ATP6V1E1: variants seen among roughly 807,000 people sequenced by gnomAD.
The protein encoded by ATP6V1E1 is V-type proton ATPase subunit E 1.
Under a neutral mutation model 35.2 loss-of-function variants are expected in ATP6V1E1, and 21 were observed. That is an observed-to-expected ratio of 0.60 (90% CI 0.42 to 0.86). The LOEUF (loss-of-function observed/expected upper bound fraction) is 0.86. Ranked by LOEUF, ATP6V1E1 falls within the 40% of genes least tolerant of loss-of-function variation. ATP6V1E1 has a pLI of 0.00. For synonymous variants in ATP6V1E1, 83 were observed against 87.8 expected, an observed-to-expected ratio of 0.95 and a Z score of 0.30; for missense variants, 183 against 272.6, an observed-to-expected ratio of 0.67 and a Z score of 2.32.
intron 4 of ATP6V1E1, among the ~76,000 whole-genome samples, chr22:17,609,686 G>T (rs1008856062): frequency 6.7e-6 from 1 of 148,428 alleles, no homozygotes; most frequent in African/African-American, 2.5e-5. Context: ...AGCCAGGATG[G>T]TCTCAATCTC....
At chr22:17,603,356 T>C (rs921887715) in intron 4 of ATP6V1E1, among the ~76,000 whole-genome samples, 9 of 149,194 alleles carry the variant, frequency 6.0e-5, no homozygotes, top group Non-Finnish European at 1.2e-4. Context: ...ACCTCGTCTC[T>C]GTAAAATTAA....
Position 17,592,586 on chromosome 22 carries a change from A to G in ATP6V1E1, c.*88T>C. ...AGCAATACTGGGGCAGTGAAGAGGA[A>G]GCTACAGAGACATTCGTGTTTCTTC... On this transcript the variant is annotated 3_prime_UTR_variant, in exon 9 of 9. Transcript: ENST00000253413. The G allele has an allele frequency of 7.4e-7, 1 of 1,345,456 alleles. No individual in the cohort carries two copies. Among genetic ancestry groups the G allele is most frequent in the Admixed American group, 1.7e-5 (1 of 59,092 alleles). 83.3% of individuals were successfully genotyped at this position (1,345,456 alleles called of 1,614,324 possible). A position where few individuals can be genotyped will look rare whatever the true frequency, so the allele number is the denominator to read the frequency against.
chr22:17,614,088 C>T (rs1331549820), intron 2 of ATP6V1E1, among the ~76,000 whole-genome samples: 1 of 152,192 alleles, frequency 6.6e-6, no homozygotes, highest in Non-Finnish European at 1.5e-5. Flanking sequence ...CAGTGGCTCA[C>T]GCCTGTAATC....
intron 4 of ATP6V1E1, among the ~76,000 whole-genome samples, chr22:17,606,491 G>C (rs55896982): frequency 0.35 from 52,608 of 151,702 alleles, 9,397 homozygotes; most frequent in African/African-American, 0.41. Flanking sequence ...GGTTAAAAAA[G>C]AAACAAGTAT....
chr22:17,600,113 TAC>T lies in ATP6V1E1; in HGVS notation c.367-20_367-19del. 6.2e-7 allele frequency: 1 copy of T among 1,605,040 alleles called. No homozygotes were observed. Among genetic ancestry groups the T allele is most frequent in the Non-Finnish European group, 8.5e-7 (1 of 1,172,026 alleles). ...TACAAACCCTGGAAGAAATAGTAGA[TAC>T]AGTCAGTAGAAAATGCAAACTATAA... On this transcript the variant is annotated intron_variant, in intron 5 of 8. Coordinates refer to ENST00000253413, the MANE Select transcript of ATP6V1E1 (RefSeq NM_001696.4).
chr22:17,609,839 A>T (rs552104263), intron 4 of ATP6V1E1, among the ~76,000 whole-genome samples: 6 of 152,318 alleles, frequency 3.9e-5, no homozygotes, highest in South Asian at 2.1e-4. Flanking sequence ...ATGTTACTAA[A>T]ATGTAAAATA....
intron 1 of ATP6V1E1, among the ~76,000 whole-genome samples, chr22:17,623,963 C>T (rs2057890920): frequency 6.6e-6 from 1 of 152,110 alleles, no homozygotes; most frequent in Admixed American, 6.5e-5. Flanking sequence ...AAAATTTGAC[C>T]TTTAAAAAAA....
At chr22:17,623,133 C>T (rs959541308) in intron 1 of ATP6V1E1, among the ~76,000 whole-genome samples, 1 of 152,088 alleles carries the variant, frequency 6.6e-6, no homozygotes, top group South Asian at 2.1e-4. Context: ...TGGCCACCAT[C>T]GTGTTTCCAA....
chr22:17,594,117 G>A (rs1305141391), intron 8 of ATP6V1E1, among the ~76,000 whole-genome samples: 2 of 152,060 alleles, frequency 1.3e-5, no homozygotes, highest in Non-Finnish European at 2.9e-5. Context: ...CAGGAGAATC[G>A]CTTGAACCTG....
rs1374172949 is a variant in ATP6V1E1 at position 17,612,841 on chromosome 22, C to T, written c.247G>A (p.Val83Ile). 1 of 1,609,500 alleles carries T rather than the reference C, an allele frequency of 6.2e-7. No homozygotes were observed. Among genetic ancestry groups the T allele is most frequent in the African/African-American group, 1.3e-5 (1 of 74,770 alleles). The change falls in exon 4 of 9, where the codon GTC (valine) becomes ATC (isoleucine). Residue 83 changes from valine to isoleucine, a missense_variant. Transcript: ENST00000253413. Reference protein sequence around the residue: ...SNLMNQARLKVLRARDDLITD... With the variant: ...SNLMNQARLKILRARDDLITD... ...ATAAGGTCATCTCTTGCTCTGAGGA[C>T]TTTGAGTCTCGCTTGATTCATCAAA...
At chr22:17,614,126 A>G (rs2057829905) in intron 2 of ATP6V1E1, among the ~76,000 whole-genome samples, 1 of 152,028 alleles carries the variant, frequency 6.6e-6, no homozygotes, top group African/African-American at 2.4e-5. Context: ...CAAGGCAGAC[A>G]GATCACCTAA....
At chr22:17,599,944 G>T (rs541549989) in intron 6 of ATP6V1E1, 83 bp downstream of exon 6, 23 of 1,080,864 alleles carry the variant, frequency 2.1e-5, no homozygotes, top group Non-Finnish European at 1.7e-5. Flanking sequence ...GAAAAGGAAG[G>T]AAGGAAGGAA....
chr22:17,597,367 T>C (rs545100744), intron 7 of ATP6V1E1, among the ~76,000 whole-genome samples: 1 of 152,052 alleles, frequency 6.6e-6, no homozygotes, highest in African/African-American at 2.4e-5. Flanking sequence ...CAGGAGTTTC[T>C]ACTGCCTACC....
intron 4 of ATP6V1E1, among the ~76,000 whole-genome samples, chr22:17,612,265 T>C (rs904249214): frequency 2.6e-5 from 4 of 152,156 alleles, no homozygotes; most frequent in African/African-American, 9.7e-5. Flanking sequence ...GTTTGGCTTA[T>C]GAATATAATC....
chr22:17,594,468 G>T, intron 8 of ATP6V1E1, 61 bp downstream of exon 8: 1 of 1,285,664 alleles, frequency 7.8e-7, no homozygotes, highest in Non-Finnish European at 1.1e-6. Flanking sequence ...ATGGACACGT[G>T]TTCTCTGTCC....
intron 2 of ATP6V1E1, among the ~76,000 whole-genome samples, chr22:17,616,474 T>C (rs757282174): frequency 2.7e-5 from 4 of 148,546 alleles, no homozygotes; most frequent in Non-Finnish European, 6.0e-5. Context: ...AGTTCAGGAG[T>C]TCAAGACCAG....
In ATP6V1E1 at chr22:17,592,376, T is replaced by G; in HGVS notation, c.*298A>C. 2 of 398,900 alleles carry G rather than the reference T, an allele frequency of 5.0e-6. No individual in the cohort carries two copies. The highest frequency in any genetic ancestry group is 4.9e-5 in the East Asian group (1 of 20,202). 24.7% of individuals were successfully genotyped at this position (398,900 alleles called of 1,614,324 possible). Reference sequence around the variant, plus strand: ...CATCACCTTTAGGCCAGACGGAGAGTGGAGACCCAGGAAGCCCATGCAACC... The same window carrying G: ...CATCACCTTTAGGCCAGACGGAGAGGGGAGACCCAGGAAGCCCATGCAACC... On this transcript the variant is annotated 3_prime_UTR_variant, in exon 9 of 9. Coordinates refer to ENST00000253413, the MANE Select transcript of ATP6V1E1 (RefSeq NM_001696.4).
At chr22:17,624,549 C>T (rs2057894073) in intron 1 of ATP6V1E1, among the ~76,000 whole-genome samples, 1 of 146,084 alleles carries the variant, frequency 6.8e-6, no homozygotes, top group East Asian at 2.0e-4. Context: ...GCGAGACTGT[C>T]TCAAAAAAAA....
chr22:17,604,220 C>T (rs1474979923), intron 4 of ATP6V1E1, among the ~76,000 whole-genome samples: 1 of 152,050 alleles, frequency 6.6e-6, no homozygotes. Context: ...CCAGTGACAC[C>T]CTCTGGTGTG....
Sources: allele counts gnomAD v4.1 joint callset (sites outside exome capture counted in the v4.1 genomes callset), GRCh38; gene constraint gnomAD v4.1.1; transcripts MANE v1.5; gene names NCBI Gene and HGNC (gene_info 2026-07-23, HGNC 2026-07-21).